Variants in TEAD1 observed in about 807,000 individuals in gnomAD.
TEAD1 encodes transcriptional enhancer factor TEF-1.
In TEAD1, 9 loss-of-function variants were observed where a neutral mutation model predicts 54.9. That is an observed-to-expected ratio of 0.16 (90% confidence interval 0.10 to 0.29). The LOEUF (loss-of-function observed/expected upper bound fraction) is 0.29. Ranked by LOEUF, TEAD1 falls within the 10% of genes least tolerant of loss-of-function variation. The probability of loss-of-function intolerance (pLI) is 1.00; values close to 1 mark genes in which losing one functional copy is unlikely to be tolerated. For synonymous variants in TEAD1, 200 were observed against 187.8 expected, an observed-to-expected ratio of 1.07 and a Z score of -0.53; for missense variants, 387 against 535.9, an observed-to-expected ratio of 0.72 and a Z score of 2.74.
chr11:12,724,945 TG>T (rs1404912304), intron 2 of TEAD1, among the ~76,000 whole-genome samples: 1 of 152,176 alleles, frequency 6.6e-6, no homozygotes, highest in African/African-American at 2.4e-5. Flanking sequence ...CCTGGGGCTT[TG>T]CTTTATGAGG....
intron 10 of TEAD1, among the ~76,000 whole-genome samples, chr11:12,905,844 A>G (rs191097182): frequency 4.6e-5 from 7 of 152,294 alleles, no homozygotes; most frequent in African/African-American, 1.4e-4. Flanking sequence ...AATATCTGCT[A>G]CGTCCAACCT....
chr11:12,919,501 CT>C (rs903917917), intron 10 of TEAD1, among the ~76,000 whole-genome samples: 7 of 151,156 alleles, frequency 4.6e-5, no homozygotes, highest in Non-Finnish European at 8.9e-5. Context: ...TTTTTAATTA[CT>C]TTTTTTTTGA....
intron 9 of TEAD1, among the ~76,000 whole-genome samples, chr11:12,892,703 T>G (rs906500976): frequency 8.5e-5 from 13 of 152,154 alleles, no homozygotes; most frequent in Non-Finnish European, 1.8e-4. Flanking sequence ...AATTCCCGAT[T>G]GCCAGGAGGG....
chr11:12,682,114 A>G (rs1029306629), intron 2 of TEAD1, among the ~76,000 whole-genome samples: 41 of 152,260 alleles, frequency 2.7e-4, no homozygotes, highest in African/African-American at 9.1e-4. Context: ...TAGATATTCT[A>G]ATTTTTGTCT....
intron 5 of TEAD1, among the ~76,000 whole-genome samples, chr11:12,867,083 T>C (rs1947633845): frequency 6.6e-6 from 1 of 152,212 alleles, no homozygotes; most frequent in South Asian, 2.1e-4. Flanking sequence ...TGGGGCATGA[T>C]ACTGAGGAAA....
intron 2 of TEAD1, among the ~76,000 whole-genome samples, chr11:12,717,828 C>G (rs559918442): frequency 6.6e-6 from 1 of 152,334 alleles, no homozygotes; most frequent in South Asian, 2.1e-4. Context: ...TGCCTGGCTC[C>G]TGGCCCACTG....
chr11:12,874,626 C>A (rs1947818163), intron 5 of TEAD1, among the ~76,000 whole-genome samples: 2 of 152,166 alleles, frequency 1.3e-5, no homozygotes, highest in Non-Finnish European at 2.9e-5. Flanking sequence ...GCAGCGAGAC[C>A]ATTGAGTGTG....
chr11:12,896,045 T>C (rs1014019263), intron 9 of TEAD1, among the ~76,000 whole-genome samples: 9 of 151,966 alleles, frequency 5.9e-5, no homozygotes, highest in African/African-American at 2.2e-4. Context: ...TAAAAAAAAT[T>C]AGCATTCAGT....
At chr11:12,679,938 A>T (rs1276791519) in intron 2 of TEAD1, among the ~76,000 whole-genome samples, 1 of 152,216 alleles carries the variant, frequency 6.6e-6, no homozygotes, top group Non-Finnish European at 1.5e-5. Flanking sequence ...GTATAACCTG[A>T]TGCTACACAC....
intron 2 of TEAD1, among the ~76,000 whole-genome samples, chr11:12,751,761 A>G (rs1944874470): frequency 1.3e-5 from 2 of 152,164 alleles, no homozygotes; most frequent in African/African-American, 4.8e-5. Context: ...AATAGCATAA[A>G]TAGAAGGTGG....
intron 2 of TEAD1, among the ~76,000 whole-genome samples, chr11:12,735,341 C>G (rs969046614): frequency 6.6e-6 from 1 of 152,068 alleles, no homozygotes. Flanking sequence ...GGAAGGGCTT[C>G]CTGGAGGATT....
At chr11:12,799,116 G>T (rs1302846026) in intron 3 of TEAD1, among the ~76,000 whole-genome samples, 1 of 152,170 alleles carries the variant, frequency 6.6e-6, no homozygotes, top group Non-Finnish European at 1.5e-5. Flanking sequence ...GGAAACATGA[G>T]AAATACATGT....
At chr11:12,933,295 A>G (rs951166675) in intron 12 of TEAD1, among the ~76,000 whole-genome samples, 3 of 152,248 alleles carry the variant, frequency 2.0e-5, no homozygotes, top group Middle Eastern at 3.2e-3. Flanking sequence ...ATTAATACCT[A>G]TCAATCAATA....
At chr11:12,829,057 C>A (rs1946716789) in intron 3 of TEAD1, among the ~76,000 whole-genome samples, 1 of 152,078 alleles carries the variant, frequency 6.6e-6, no homozygotes, top group East Asian at 1.9e-4. Flanking sequence ...CCCCCTCGCC[C>A]TTAAGAGCCA....
intron 3 of TEAD1, among the ~76,000 whole-genome samples, chr11:12,786,862 A>T (rs1945687155): frequency 6.6e-6 from 1 of 152,204 alleles, no homozygotes; most frequent in Admixed American, 6.5e-5. Context: ...CCTGAAGAAG[A>T]TGAGGGATTG....
intron 2 of TEAD1, among the ~76,000 whole-genome samples, chr11:12,743,415 T>C (rs1358697720): frequency 6.6e-6 from 1 of 152,240 alleles, no homozygotes; most frequent in African/African-American, 2.4e-5. Context: ...ATTAATGATC[T>C]GAAAGTTCCT....
intron 2 of TEAD1, among the ~76,000 whole-genome samples, chr11:12,728,398 A>C (rs557013577): frequency 1.5e-3 from 227 of 152,296 alleles, no homozygotes; most frequent in African/African-American, 5.2e-3. Context: ...ATGTACTTCA[A>C]AGGTGTAGCA....
intron 3 of TEAD1, among the ~76,000 whole-genome samples, chr11:12,775,254 T>G (rs986030913): frequency 1.3e-5 from 2 of 152,110 alleles, no homozygotes; most frequent in African/African-American, 4.8e-5. Flanking sequence ...GGCAGACTTT[T>G]AGAGATCAGA....
chr11:12,927,192 G>C, intron 11 of TEAD1, among the ~76,000 whole-genome samples: 1 of 152,276 alleles, frequency 6.6e-6, no homozygotes, highest in African/African-American at 2.4e-5. Flanking sequence ...GGTAGGTGGG[G>C]TTTTACCTTT....
Sources: allele counts gnomAD v4.1 joint callset (sites outside exome capture counted in the v4.1 genomes callset), GRCh38; gene constraint gnomAD v4.1.1; transcripts MANE v1.5; gene names NCBI Gene and HGNC (gene_info 2026-07-23, HGNC 2026-07-21).